Variants in MYO16 observed in about 807,000 individuals in gnomAD.
MYO16 encodes myosin XVI, also known as unconventional myosin-XVI.
MYO16 carries 94 observed loss-of-function variants against 205.3 expected under a neutral mutation model. That is an observed-to-expected ratio of 0.46 (90% CI 0.39 to 0.54). MYO16 has a LOEUF of 0.54. Among genes scored for constraint, MYO16 ranks in the 20% least tolerant of loss-of-function variants. The pLI is 0.00. For missense variants in MYO16, 2,315 were observed against 2,387.5 expected (o/e 0.97, Z 0.63); for synonymous variants, 988 against 954.0 (o/e 1.04, Z -0.66).
intron 31 of MYO16, among the ~76,000 whole-genome samples, chr13:109,130,746 G>T (rs1594110797): frequency 6.6e-6 from 1 of 152,212 alleles, no homozygotes; most frequent in African/African-American, 2.4e-5. Context: ...GGACAGTGAT[G>T]AAATTGATCC....
chr13:108,959,331 CT>C (rs1223240156), intron 17 of MYO16, among the ~76,000 whole-genome samples: 1 of 152,120 alleles, frequency 6.6e-6, no homozygotes, highest in Non-Finnish European at 1.5e-5. Context: ...CCTTCCATGC[CT>C]GAAATGTCTG....
At chr13:108,658,634 G>A (rs186706826) in intron 1 of MYO16, among the ~76,000 whole-genome samples, 221 of 152,120 alleles carry the variant, frequency 1.5e-3, no homozygotes, top group Non-Finnish European at 2.0e-3. Flanking sequence ...TTTCTGTGAT[G>A]TTTTCTTCTC....
chr13:109,015,403 G>T (rs1885770911), intron 22 of MYO16, among the ~76,000 whole-genome samples: 1 of 152,164 alleles, frequency 6.6e-6, no homozygotes, highest in Admixed American at 6.5e-5. Flanking sequence ...TGTTCATCAG[G>T]GCTATTGGTC....
At chr13:109,155,725 A>T (rs58697345) in intron 32 of MYO16, among the ~76,000 whole-genome samples, 3 of 152,148 alleles carry the variant, frequency 2.0e-5, no homozygotes, top group Admixed American at 2.0e-4. Flanking sequence ...TTCAAAAGGC[A>T]ATTAGAATTG....
At chr13:108,858,554 C>T (rs771177429) in intron 11 of MYO16, among the ~76,000 whole-genome samples, 1 of 152,086 alleles carries the variant, frequency 6.6e-6, no homozygotes, top group South Asian at 2.1e-4. Flanking sequence ...CAAATGTCAC[C>T]GGCCCTACCT....
At chr13:108,917,092 A>G (rs1881528923) in intron 16 of MYO16, among the ~76,000 whole-genome samples, 1 of 152,194 alleles carries the variant, frequency 6.6e-6, no homozygotes, top group African/African-American at 2.4e-5. Context: ...ACACTCATGC[A>G]CATGGCACAT....
At chr13:108,539,378 CCT>C in the MYO16 span, among the ~76,000 whole-genome samples, 1 of 151,964 alleles carries the variant, frequency 6.6e-6, no homozygotes, top group South Asian at 2.1e-4. Context: ...GCATGGACAC[CCT>C]CTCCATTCAG....
At chr13:109,002,363 C>T (rs1885245308) in intron 21 of MYO16, among the ~76,000 whole-genome samples, 1 of 152,198 alleles carries the variant, frequency 6.6e-6, no homozygotes, top group Non-Finnish European at 1.5e-5. Flanking sequence ...TGGAAATTTA[C>T]TCAAGAAATT....
intron 15 of MYO16, among the ~76,000 whole-genome samples, chr13:108,900,787 A>G (rs1338080192): frequency 6.6e-6 from 1 of 152,232 alleles, no homozygotes; most frequent in Non-Finnish European, 1.5e-5. Context: ...ACAGGATAAC[A>G]GCAATGTTCA....
At chr13:109,082,139 C>A (rs931234595) in intron 27 of MYO16, among the ~76,000 whole-genome samples, 13 of 152,120 alleles carry the variant, frequency 8.5e-5, no homozygotes, top group Non-Finnish European at 1.6e-4. Context: ...ATATTTGTGG[C>A]CTGATAATTC....
chr13:109,178,327 T>A (rs1879308332), intron 33 of MYO16, among the ~76,000 whole-genome samples: 1 of 152,098 alleles, frequency 6.6e-6, no homozygotes, highest in Admixed American at 6.5e-5. Context: ...CCAGTCTTCA[T>A]GAAGTTAGCT....
At chr13:108,755,720 C>T (rs1320746879) in intron 4 of MYO16, among the ~76,000 whole-genome samples, 3 of 151,982 alleles carry the variant, frequency 2.0e-5, no homozygotes, top group African/African-American at 7.2e-5. Flanking sequence ...CTTTTTTGAT[C>T]ATTTATTATG....
At chr13:108,960,731 C>G (rs1026968562) in intron 17 of MYO16, among the ~76,000 whole-genome samples, 1 of 152,196 alleles carries the variant, frequency 6.6e-6, no homozygotes, top group Non-Finnish European at 1.5e-5. Flanking sequence ...CTGTTGATAT[C>G]ATCATGCTAA....
intron 16 of MYO16, among the ~76,000 whole-genome samples, chr13:108,946,853 C>A (rs1295928134): frequency 1.3e-5 from 2 of 152,116 alleles, no homozygotes; most frequent in Non-Finnish European, 2.9e-5. Context: ...GTGATCCTCC[C>A]ACTTCAGCCT....
At chr13:108,707,885 A>G (rs949773532) in intron 2 of MYO16, among the ~76,000 whole-genome samples, 1 of 152,180 alleles carries the variant, frequency 6.6e-6, no homozygotes, top group Admixed American at 6.5e-5. Context: ...AAAGGATTGA[A>G]GAGATGGGAC....
chr13:108,958,774 C>T (rs1174873536), intron 17 of MYO16, among the ~76,000 whole-genome samples: 1 of 152,116 alleles, frequency 6.6e-6, no homozygotes, highest in East Asian at 1.9e-4. Context: ...CTCAGAATTC[C>T]CTTCAATCTC....
At chr13:108,619,762 G>A (rs2139332685) in intron 1 of MYO16, among the ~76,000 whole-genome samples, 1 of 152,178 alleles carries the variant, frequency 6.6e-6, no homozygotes, top group South Asian at 2.1e-4. Context: ...CTCCTCTCCA[G>A]ATGTCTCTCC....
At chr13:108,716,280 A>G (rs1488629088) in intron 3 of MYO16, among the ~76,000 whole-genome samples, 3 of 152,216 alleles carry the variant, frequency 2.0e-5, no homozygotes, top group Non-Finnish European at 4.4e-5. Flanking sequence ...AAGTATAAAG[A>G]TTCATAAATG....
chr13:108,918,357 T>C (rs1435734812), intron 16 of MYO16, among the ~76,000 whole-genome samples: 2 of 152,236 alleles, frequency 1.3e-5, no homozygotes. Flanking sequence ...CGCAAGAAAC[T>C]ACCTTCACTA....
Sources: gnomAD v4.1 joint callset for allele counts (sites outside exome capture counted in the v4.1 genomes callset) on GRCh38, gnomAD v4.1.1 for gene constraint, MANE v1.5 for transcripts, NCBI Gene and HGNC (gene_info 2026-07-23, HGNC 2026-07-21) for gene names.